Variants in PHACTR3 observed in about 807,000 individuals in gnomAD.
PHACTR3 encodes the protein protein phosphatase 1, regulatory subunit 123.
In PHACTR3, 16 loss-of-function variants were observed where a neutral mutation model predicts 66.8. The observed-to-expected ratio is 0.24, with a 90% CI of 0.16 to 0.36. PHACTR3 has a LOEUF of 0.36. Ranked by LOEUF, PHACTR3 falls within the 10% of genes least tolerant of loss-of-function variation. PHACTR3 has a pLI of 1.00. For missense variants in PHACTR3, 647 were observed against 719.9 expected (o/e 0.90, Z 1.16); for synonymous variants, 323 against 292.1 (o/e 1.11, Z -1.08).
intron 8 of PHACTR3, among the ~76,000 whole-genome samples, chr20:59,819,699 C>T (rs114617621): frequency 0.021 from 3,211 of 151,978 alleles, 96 homozygotes; most frequent in African/African-American, 0.064. Context: ...CCTGGTTGGG[C>T]CAGTGCTGTC....
chr20:59,667,656 A>C (rs1362824211), intron 1 of PHACTR3, among the ~76,000 whole-genome samples: 1 of 152,180 alleles, frequency 6.6e-6, no homozygotes, highest in African/African-American at 2.4e-5. Flanking sequence ...AACTCACCAG[A>C]TTTTCCTTCC....
chr20:59,636,051 G>A (rs1488237022), intron 1 of PHACTR3, among the ~76,000 whole-genome samples: 1 of 152,200 alleles, frequency 6.6e-6, no homozygotes, highest in Non-Finnish European at 1.5e-5. Context: ...AGCTAATGCT[G>A]GATCTTGCCC....
At chr20:59,845,320 TTCCCCCG>T (rs1429618324) in intron 12 of PHACTR3, 55 bp downstream of exon 12, 1 of 1,131,870 alleles carries the variant, frequency 8.8e-7, no homozygotes, top group Non-Finnish European at 1.3e-6. Context: ...ACACACCGCC[TTCCCCCG>T]TCCCCCGCCA....
intron 1 of PHACTR3, among the ~76,000 whole-genome samples, chr20:59,623,819 G>T (rs577032881): frequency 6.6e-6 from 1 of 152,220 alleles, no homozygotes; most frequent in Non-Finnish European, 1.5e-5. Flanking sequence ...TGCCACGCGG[G>T]ACAGGGAAGA....
chr20:59,723,080 TTC>T (rs2038399252), intron 1 of PHACTR3, among the ~76,000 whole-genome samples: 2 of 144,040 alleles, frequency 1.4e-5, no homozygotes. Context: ...CTTTCTTTCT[TTC>T]TTTCTTTCTT....
intron 8 of PHACTR3, among the ~76,000 whole-genome samples, chr20:59,822,026 A>T (rs1178737515): frequency 5.1e-5 from 1 of 19,706 alleles, no homozygotes; most frequent in African/African-American, 1.5e-4. Context: ...CAGCGATCCC[A>T]CCCCTTCCCC....
intron 1 of PHACTR3, among the ~76,000 whole-genome samples, chr20:59,645,845 C>T (rs2035266112): frequency 1.3e-5 from 2 of 152,154 alleles, no homozygotes. Context: ...ATCATGAAAG[C>T]TTAATAAATA....
At chr20:59,601,662 C>T (rs994182014), upstream of PHACTR3, among the ~76,000 whole-genome samples, 1 of 152,190 alleles carries the variant, frequency 6.6e-6, no homozygotes, top group Admixed American at 6.5e-5. Context: ...AGGCAATTTA[C>T]CCGGAGACCT....
intron 8 of PHACTR3, among the ~76,000 whole-genome samples, chr20:59,810,023 G>A (rs2041687885): frequency 6.6e-6 from 1 of 152,090 alleles, no homozygotes; most frequent in Non-Finnish European, 1.5e-5. Context: ...AGTTAATAAT[G>A]GTTTTCTATT....
intron 1 of PHACTR3, among the ~76,000 whole-genome samples, chr20:59,653,901 G>C (rs2035536419): frequency 6.6e-6 from 1 of 152,182 alleles, no homozygotes; most frequent in Non-Finnish European, 1.5e-5. Context: ...TCTACACCCA[G>C]ATTTTGTGTA....
At chr20:59,708,200 CAG>C (rs1472537590) in intron 1 of PHACTR3, among the ~76,000 whole-genome samples, 2 of 152,158 alleles carry the variant, frequency 1.3e-5, no homozygotes, top group East Asian at 3.9e-4. Flanking sequence ...CTGATGGGGA[CAG>C]GGGGAGTTCA....
At chr20:59,644,752 G>A (rs1395455107) in intron 1 of PHACTR3, among the ~76,000 whole-genome samples, 4 of 152,208 alleles carry the variant, frequency 2.6e-5, no homozygotes, top group African/African-American at 7.2e-5. Context: ...CAGCCTGGTG[G>A]TTCTCTGTCG....
intron 1 of PHACTR3, among the ~76,000 whole-genome samples, chr20:59,592,969 G>A (rs1404141917): frequency 6.6e-6 from 1 of 152,140 alleles, no homozygotes; most frequent in East Asian, 1.9e-4. Context: ...CCATGTACAG[G>A]TTTTTGTGTA....
chr20:59,764,174 A>G (rs2040097251), intron 4 of PHACTR3, among the ~76,000 whole-genome samples: 1 of 152,064 alleles, frequency 6.6e-6, no homozygotes. Flanking sequence ...TGGAGATCAG[A>G]CATAGAAGAT....
At chr20:59,840,319 C>A in intron 9 of PHACTR3, 50 bp from the exon 10 acceptor site, 1 of 1,590,660 alleles carries the variant, frequency 6.3e-7, no homozygotes, top group South Asian at 1.2e-5. Flanking sequence ...AAGAACGTTT[C>A]AACCTGTTTC....
At chr20:59,751,988 T>G (rs2039608953) in intron 3 of PHACTR3, among the ~76,000 whole-genome samples, 1 of 152,230 alleles carries the variant, frequency 6.6e-6, no homozygotes, top group Non-Finnish European at 1.5e-5. Flanking sequence ...TCTCCCTGTA[T>G]GCGTTGACTT....
At chr20:59,818,836 A>G (rs2145410645) in intron 8 of PHACTR3, among the ~76,000 whole-genome samples, 1 of 152,136 alleles carries the variant, frequency 6.6e-6, no homozygotes, top group South Asian at 2.1e-4. Context: ...CTTGTTTATC[A>G]TCATCTTTGT....
At chr20:59,613,653 T>C (rs2033933189) in intron 1 of PHACTR3, among the ~76,000 whole-genome samples, 1 of 152,194 alleles carries the variant, frequency 6.6e-6, no homozygotes, top group Non-Finnish European at 1.5e-5. Flanking sequence ...GTCTCTGCCA[T>C]ATCAACTTTA....
At chr20:59,755,150 C>T in intron 3 of PHACTR3, 32 bp from the exon 4 acceptor site, 1 of 1,597,786 alleles carries the variant, frequency 6.3e-7, no homozygotes, top group Non-Finnish European at 8.5e-7. Context: ...AAGGGAGGTG[C>T]AGGCCCAGCT....
Sources: allele counts gnomAD v4.1 joint callset (sites outside exome capture counted in the v4.1 genomes callset), GRCh38; gene constraint gnomAD v4.1.1; transcripts MANE v1.5; gene names NCBI Gene and HGNC (gene_info 2026-07-23, HGNC 2026-07-21).